The following MSRA variants were observed in gnomAD, a reference collection of about 807,000 sequenced individuals.
MSRA encodes mitochondrial peptide methionine sulfoxide reductase.
In MSRA, 54 loss-of-function variants were observed where a neutral mutation model predicts 31.3. That is an observed-to-expected ratio of 1.73 (90% confidence interval 1.39 to 2.17). The LOEUF (loss-of-function observed/expected upper bound fraction) is 2.17. Among genes scored for constraint, MSRA ranks in the 30% most tolerant of loss-of-function variants. MSRA has a pLI of 0.00. For synonymous variants in MSRA, 169 were observed against 116.5 expected (o/e 1.45, Z -2.90); for missense variants, 507 against 300.9 (o/e 1.69, Z -5.07).
chr8:10,057,760 C>G (rs771783660), intron 1 of MSRA, among the ~76,000 whole-genome samples: 5 of 152,248 alleles, frequency 3.3e-5, no homozygotes, highest in East Asian at 1.9e-4. Flanking sequence ...TGGAGATGTG[C>G]CAGCTTCCTC....
At position 10,196,553 on chromosome 8, in the gene MSRA, T is replaced by C. The variant is rs546134917; in HGVS notation, c.143-11280T>C. Reference sequence around the variant, plus strand: ...TACCTTTTCTAAAAAATGTATTTATTTATTTTTATTTTTTGAGACAGATTA... The same window carrying C: ...TACCTTTTCTAAAAAATGTATTTATCTATTTTTATTTTTTGAGACAGATTA... On this transcript the variant is annotated intron_variant, in intron 1 of 5. Coordinates refer to ENST00000317173, the MANE Select transcript of MSRA (RefSeq NM_012331.5). Among the ~76,000 whole-genome samples the C allele has an allele frequency of 4.6e-5, 7 of 152,164 alleles. No individual in the cohort carries two copies. The South Asian group carries it at 1.5e-3, about 32-fold the overall frequency.
At chr8:10,056,003 T>C (rs2293089) in intron 1 of MSRA, among the ~76,000 whole-genome samples, 1 of 152,012 alleles carries the variant, frequency 6.6e-6, no homozygotes, top group Admixed American at 6.5e-5. Flanking sequence ...CATCTATACT[T>C]ATATATAGAT....
intron 2 of MSRA, among the ~76,000 whole-genome samples, chr8:10,232,073 C>A (rs1344939523): frequency 1.3e-5 from 2 of 152,166 alleles, no homozygotes; most frequent in East Asian, 3.8e-4. Context: ...TGTGCCACTC[C>A]TCCTATCCAG....
intron 1 of MSRA, among the ~76,000 whole-genome samples, chr8:10,099,635 C>A (rs1179169576): frequency 6.6e-6 from 1 of 152,032 alleles, no homozygotes; most frequent in African/African-American, 2.4e-5. Context: ...AGTGTTTTTT[C>A]CTTCATGGAT....
At chr8:10,349,390 C>T (rs1318911899) in intron 5 of MSRA, among the ~76,000 whole-genome samples, 2 of 151,274 alleles carry the variant, frequency 1.3e-5, no homozygotes, top group Non-Finnish European at 2.9e-5. Context: ...GCACACGTAC[C>T]GTTGCCTTTG....
chr8:10,252,899 G>C (rs952462008), intron 3 of MSRA, among the ~76,000 whole-genome samples: 8 of 152,124 alleles, frequency 5.3e-5, no homozygotes, highest in African/African-American at 1.2e-4. Context: ...ACTCTATGGG[G>C]GTTCTCTGGC....
At chr8:10,074,726 C>T (rs1244782463) in intron 1 of MSRA, among the ~76,000 whole-genome samples, 2 of 151,980 alleles carry the variant, frequency 1.3e-5, no homozygotes, top group African/African-American at 4.8e-5. Flanking sequence ...TAGTACGACG[C>T]CTCCTCACAG....
rs1804013002 is a variant in MSRA at position 10,154,844 on chromosome 8, A to G, written c.143-52989A>G. Among the ~76,000 whole-genome samples, 5 of 152,124 alleles carry G rather than the reference A, an allele frequency of 3.3e-5. No individual in the cohort carries two copies. In the South Asian group the frequency reaches 1.0e-3, roughly 32 times the overall value. On this transcript the variant is annotated intron_variant, in intron 1 of 5. Coordinates refer to ENST00000317173, the MANE Select transcript of MSRA (RefSeq NM_012331.5). The stretch of plus-strand genomic sequence containing the variant: ...AGATTTTAATTTTTTTTTCTTGGAA[A>G]TAGTGATCTATTGTTTTAATGGAAA...
intron 1 of MSRA, among the ~76,000 whole-genome samples, chr8:10,089,077 AAAGTT>A (rs1453510837): frequency 6.6e-6 from 1 of 152,168 alleles, no homozygotes; most frequent in African/African-American, 2.4e-5. Context: ...CATCATGACT[AAAGTT>A]AATAAAATTG....
rs568082933 is a variant in MSRA at position 10,151,370 on chromosome 8, G to A, written c.143-56463G>A. Among the ~76,000 whole-genome samples, 6 of 152,214 alleles carry A rather than the reference G, an allele frequency of 3.9e-5. No individual in the cohort carries two copies. The East Asian group carries it at 5.8e-4, about 15-fold the overall frequency. On this transcript the variant is annotated intron_variant, in intron 1 of 5. Transcript: ENST00000317173. ...GGAAATAGAGAACAGCAGGCCGGGCGTGGTGGCTCACGCCTGTCATCCCAG... is the reference window on the plus strand; with the variant it reads ...GGAAATAGAGAACAGCAGGCCGGGCATGGTGGCTCACGCCTGTCATCCCAG...
chr8:10,121,550 T>A (rs547356935), intron 1 of MSRA, among the ~76,000 whole-genome samples: 1 of 152,340 alleles, frequency 6.6e-6, no homozygotes, highest in South Asian at 2.1e-4. Flanking sequence ...AAGAATGATT[T>A]AAAAGTGACT....
Position 10,303,972 on chromosome 8 carries a change from T to A in MSRA, c.436+2334T>A, listed in dbSNP as rs4240641. The stretch of plus-strand genomic sequence containing the variant: ...TTTTTTTGAGACTGAGTCTTAATCC[T>A]TTGCTCAAGCTGGAGTGCAGTGGCG... On this transcript the variant is annotated intron_variant, in intron 4 of 5. Coordinates refer to ENST00000317173, the MANE Select transcript of MSRA (RefSeq NM_012331.5). 1.4e-3 allele frequency among the ~76,000 whole-genome samples: 213 copies of A among 152,200 alleles called. 1 individual carries two copies. The highest frequency in any genetic ancestry group is 4.9e-3 in the African/African-American group (202 of 41,514).
At chr8:10,197,795 A>G (rs1214631833) in intron 1 of MSRA, among the ~76,000 whole-genome samples, 1 of 152,160 alleles carries the variant, frequency 6.6e-6, no homozygotes, top group East Asian at 1.9e-4. Flanking sequence ...AAAGACCAGT[A>G]ATACAGCTGG....
At chr8:10,412,495 C>T (rs529818431) in intron 5 of MSRA, among the ~76,000 whole-genome samples, 13 of 152,272 alleles carry the variant, frequency 8.5e-5, no homozygotes, top group South Asian at 4.1e-4. Context: ...AGGTATAGAA[C>T]GAAGATGCTC....
intron 1 of MSRA, among the ~76,000 whole-genome samples, chr8:10,083,147 C>G (rs553986281): frequency 6.6e-6 from 1 of 151,990 alleles, no homozygotes; most frequent in African/African-American, 2.4e-5. Flanking sequence ...ACATTTTTTT[C>G]TGTGTTAAAA....
At chr8:10,072,438 G>T (rs759037151) in intron 1 of MSRA, among the ~76,000 whole-genome samples, 2 of 151,942 alleles carry the variant, frequency 1.3e-5, no homozygotes, top group Non-Finnish European at 2.9e-5. Flanking sequence ...TCTGTTTCTG[G>T]GTCCTTACTC....
intron 3 of MSRA, among the ~76,000 whole-genome samples, chr8:10,265,994 C>T (rs960244321): frequency 1.3e-5 from 2 of 152,200 alleles, no homozygotes; most frequent in Non-Finnish European, 2.9e-5. Context: ...CTTTTCCCTG[C>T]TGATGAACAG....
intron 3 of MSRA, among the ~76,000 whole-genome samples, chr8:10,278,495 A>G (rs1026094876): frequency 6.6e-5 from 10 of 152,308 alleles, no homozygotes; most frequent in South Asian, 2.1e-4. Context: ...TGGCTCTGCT[A>G]TCTCCCATAA....
chr8:10,175,517 T>G (rs1337712227), intron 1 of MSRA, among the ~76,000 whole-genome samples: 2 of 152,342 alleles, frequency 1.3e-5, no homozygotes, highest in South Asian at 2.1e-4. Flanking sequence ...CTGATGATCT[T>G]AAAAGTAATT....
Sources: allele counts gnomAD v4.1 joint callset (sites outside exome capture counted in the v4.1 genomes callset), GRCh38; gene constraint gnomAD v4.1.1; transcripts MANE v1.5; gene names NCBI Gene and HGNC (gene_info 2026-07-23, HGNC 2026-07-21).